The following ATP2B3 variants were observed in gnomAD, a reference collection of about 807,000 sequenced individuals.
ATP2B3 encodes ATPase plasma membrane Ca2+ transporting 3, also known as plasma membrane calcium-transporting ATPase 3.
In ATP2B3, 12 loss-of-function variants were observed where a neutral mutation model predicts 70.8. That is an observed-to-expected ratio of 0.17 (90% CI 0.11 to 0.27). ATP2B3 has a LOEUF of 0.27. Ranked by LOEUF, ATP2B3 falls within the 10% of genes least tolerant of loss-of-function variation. The pLI, the probability that ATP2B3 is intolerant of heterozygous loss-of-function variation, is 1.00. For synonymous variants in ATP2B3, 460 were observed against 497.8 expected (o/e 0.92, Z 1.01); for missense variants, 858 against 1,118.5 (o/e 0.77, Z 3.32).
intron 20 of ATP2B3, among the ~76,000 whole-genome samples, chrX:153,562,794 T>C (rs782392911): frequency 8.9e-6 from 1 of 112,169 alleles, no homozygotes; most frequent in African/African-American, 3.2e-5. Flanking sequence ...CATAGCAAAA[T>C]ACCATAGACT....
rs140163530 is a variant in ATP2B3, at chrX:153,529,921, A to G, written c.-126-6201A>G. 3.6e-3 allele frequency among the ~76,000 whole-genome samples: 409 copies of G among 112,649 alleles called. 3 individuals are homozygous for G. The highest frequency in any genetic ancestry group is 0.013 in the African/African-American group (396 of 31,055). ...GCCTTACTTTGTAAGGCTGAGTCCT[A>G]TTCTATGGCCTGGATGGGCCACATG... On this transcript the variant is annotated intron_variant, in intron 2 of 21. Transcript: ENST00000263519.
chrX:153,553,555 C>T (rs2090490626), intron 13 of ATP2B3, among the ~76,000 whole-genome samples: 2 of 112,101 alleles, frequency 1.8e-5, no homozygotes, highest in South Asian at 7.4e-4. Flanking sequence ...ATCTGATCCA[C>T]CCAGGACCGA....
rs782386054 is a variant in ATP2B3 at position 153,557,034 on chromosome X, TG to T, written c.2433+13del. On this transcript the variant is annotated intron_variant, in intron 16 of 21. Transcript: ENST00000263519. ...GTGGGCTTCGCCATGGTAAGCCACC[TG>T]GTGCCCGCCCAGCTCACCACGGCAG... 1.0e-5 allele frequency: 12 copies of T among 1,164,291 alleles called. No individual in the cohort carries two copies. The African/African-American group carries it at 2.1e-4, about 21-fold the overall frequency.
rs1368622241 is a variant in ATP2B3 at position 153,538,167 on chromosome X, C to T, written c.208+1712C>T. ...GACTCGCTCCCCGCATCCCCTAGCC[C>T]GGCCGTGCACCCGGACCCTGGTGCT... On this transcript the variant is annotated intron_variant, in intron 3 of 21. Transcript: ENST00000263519. Among the ~76,000 whole-genome samples, 5 of 113,033 alleles carry T rather than the reference C, an allele frequency of 4.4e-5. No individual in the cohort carries two copies. The East Asian group carries it at 1.4e-3, about 32-fold the overall frequency.
intron 21 of ATP2B3, among the ~76,000 whole-genome samples, chrX:153,573,169 C>G (rs2090813972): frequency 8.9e-6 from 1 of 112,455 alleles, no homozygotes; most frequent in African/African-American, 3.2e-5. Context: ...CCGTTTAGTT[C>G]CAGTTAATCA....
intron 2 of ATP2B3, among the ~76,000 whole-genome samples, chrX:153,529,963 C>T (rs1333152130): frequency 8.9e-6 from 1 of 112,853 alleles, no homozygotes; most frequent in Non-Finnish European, 1.9e-5. Flanking sequence ...ATCCAGCTGC[C>T]TATCCATGGA....
At chrX:153,526,762 T>C (rs2090039639) in intron 2 of ATP2B3, among the ~76,000 whole-genome samples, 1 of 111,677 alleles carries the variant, frequency 9.0e-6, no homozygotes. Context: ...TCCTTGGGTC[T>C]AGATCACAGA....
chrX:153,541,225 G>A (rs1010597398), intron 3 of ATP2B3, 134 bp from the exon 4 acceptor site: 22 of 746,391 alleles, frequency 2.9e-5, no homozygotes, highest in African/African-American at 2.7e-4. Flanking sequence ...AGAGCCAGGC[G>A]CTGGCCAGAC....
At chrX:153,558,079 C>T in intron 16 of ATP2B3, 33 bp from the exon 17 acceptor site, 1 of 1,171,355 alleles carries the variant, frequency 8.5e-7, no homozygotes, top group Non-Finnish European at 1.1e-6. Flanking sequence ...CCCCCACAAA[C>T]ACTCTGTGTG....
In ATP2B3 at chrX:153,559,916, C is replaced by T; in HGVS notation, c.2813C>T (p.Ala938Val). Residue 938 changes from alanine (A) to valine (V), a missense_variant, in exon 18 of 22, where the codon GCC becomes GTC. By Grantham distance (64) the Ala-to-Val change is moderately conservative (BLOSUM62 0). Transcript: ENST00000263519. ...NILGHAVYQL[A>V]IIFTLLFVGE... ...CTGGGCCACGCCGTGTACCAGCTCG[C>T]CATCATCTTCACCCTGCTGTTTGTC... The T allele has an allele frequency of 8.3e-7, 1 of 1,211,472 alleles. No individual in the cohort carries two copies. The highest frequency in any genetic ancestry group is 1.1e-6 in the Non-Finnish European group (1 of 895,049).
At chrX:153,576,200 G>A (rs782719835) in intron 21 of ATP2B3, among the ~76,000 whole-genome samples, 6 of 111,405 alleles carry the variant, frequency 5.4e-5, no homozygotes, top group Non-Finnish European at 9.4e-5. Flanking sequence ...GGCAGCCAGA[G>A]AGAGCTCGGA....
At position 153,547,867 on chromosome X, in the gene ATP2B3, A is replaced by C; in HGVS notation, c.991A>C (p.Met331Leu). ...GCAGGATGGTGCAGTGGCCATGGAG[A>C]TGCAGCCCCTGAAGAGCGCGGAGGG... ...KKQDGAVAME[M>L]QPLKSAEGGE... Residue 331 changes from methionine (M) to leucine (L), a missense_variant, in exon 9 of 22, where the codon ATG becomes CTG. Physicochemically the swap from Met to Leu is conservative, Grantham distance 15. Transcript: ENST00000263519. The C allele has an allele frequency of 8.3e-7, 1 of 1,207,716 alleles. No homozygotes were observed.
intron 21 of ATP2B3, chrX:153,570,086 C>T (rs1557019471): frequency 5.7e-6 from 2 of 348,322 alleles, no homozygotes; most frequent in Non-Finnish European, 9.8e-6. Flanking sequence ...GAACTTGGGC[C>T]GCTTCTGGGG....
chrX:153,556,824 A>T, intron 15 of ATP2B3, 93 bp from the exon 16 acceptor site: 1 of 957,383 alleles, frequency 1.0e-6, no homozygotes. Context: ...GGGTTTTCAC[A>T]GCCAACCTAC....
intron 3 of ATP2B3, among the ~76,000 whole-genome samples, chrX:153,538,617 C>T (rs1269878200): frequency 8.8e-6 from 1 of 113,040 alleles, no homozygotes; most frequent in Non-Finnish European, 1.9e-5. Context: ...ACGAGATGCT[C>T]CTAATCCAAT....
At chrX:153,578,807 T>TGGAA (rs1460025060) in intron 21 of ATP2B3, among the ~76,000 whole-genome samples, 1 of 111,789 alleles carries the variant, frequency 8.9e-6, no homozygotes, top group Non-Finnish European at 1.9e-5. Flanking sequence ...AATGTCTGAC[T>TGGAA]GGAAGATGGA....
intron 2 of ATP2B3, among the ~76,000 whole-genome samples, chrX:153,527,349 C>T (rs2090049844): frequency 8.8e-6 from 1 of 113,047 alleles, no homozygotes; most frequent in Admixed American, 9.2e-5. Context: ...TTTCTAGGTC[C>T]CCATGCCGTC....
chrX:153,539,466 C>T (rs1394215965), intron 3 of ATP2B3, among the ~76,000 whole-genome samples: 1 of 113,042 alleles, frequency 8.8e-6, no homozygotes, highest in African/African-American at 3.2e-5. Context: ...GCCAGGGCTA[C>T]CCCTGCCCCT....
intron 2 of ATP2B3, among the ~76,000 whole-genome samples, chrX:153,529,767 G>T (rs1355108459): frequency 9.0e-6 from 1 of 111,077 alleles, no homozygotes; most frequent in Non-Finnish European, 1.9e-5. Flanking sequence ...CGTCCCCTCA[G>T]ATTTCACAGC....
Sources: allele counts gnomAD v4.1 joint callset (sites outside exome capture counted in the v4.1 genomes callset), GRCh38; gene constraint gnomAD v4.1.1; transcripts MANE v1.5; gene names NCBI Gene and HGNC (gene_info 2026-07-23, HGNC 2026-07-21).